Variants in CDH13 observed in about 807,000 individuals in gnomAD.
The protein encoded by CDH13 is cadherin-13.
A neutral mutation model predicts 63.8 loss-of-function variants in CDH13; 24 were observed. That is an observed-to-expected ratio of 0.38 (90% CI 0.27 to 0.53). The LOEUF is 0.53. Ranked by LOEUF, CDH13 falls within the 20% of genes least tolerant of loss-of-function variation. CDH13 has a pLI of 0.85. For missense variants in CDH13, 1,049 were observed against 903.1 expected, an observed-to-expected ratio of 1.16 and a Z score of -2.07; for synonymous variants, 503 against 355.3, an observed-to-expected ratio of 1.42 and a Z score of -4.67.
At chr16:83,488,927 T>A (rs1055894913) in intron 7 of CDH13, among the ~76,000 whole-genome samples, 3 of 152,128 alleles carry the variant, frequency 2.0e-5, no homozygotes, top group Non-Finnish European at 4.4e-5. Flanking sequence ...GCCCGGCCAA[T>A]GCTCCCTATT....
chr16:83,241,206 C>G (rs1405876287), intron 5 of CDH13, among the ~76,000 whole-genome samples: 2 of 152,120 alleles, frequency 1.3e-5, no homozygotes, highest in Admixed American at 1.3e-4. Flanking sequence ...TGTGGATATA[C>G]CACATTTTCT....
intron 2 of CDH13, among the ~76,000 whole-genome samples, chr16:83,029,695 A>G (rs1916128341): frequency 6.6e-6 from 1 of 152,160 alleles, no homozygotes; most frequent in Non-Finnish European, 1.5e-5. Context: ...AGAGGCTAGA[A>G]TAATGTAGCC....
intron 1 of CDH13, among the ~76,000 whole-genome samples, chr16:82,849,234 T>C (rs1159448081): frequency 6.6e-6 from 1 of 152,178 alleles, no homozygotes; most frequent in African/African-American, 2.4e-5. Context: ...CCAAGCACAG[T>C]GGCTCACACC....
At chr16:83,096,495 A>G (rs2151592718) in intron 3 of CDH13, among the ~76,000 whole-genome samples, 1 of 152,366 alleles carries the variant, frequency 6.6e-6, no homozygotes, top group African/African-American at 2.4e-5. Flanking sequence ...GTGCAATTAC[A>G]GAAAAATTAT....
chr16:83,295,858 G>A (rs908372435), intron 5 of CDH13, among the ~76,000 whole-genome samples: 2 of 152,134 alleles, frequency 1.3e-5, no homozygotes, highest in Admixed American at 6.6e-5. Context: ...TCAAAGAGAC[G>A]TCTGCACTTC....
chr16:82,856,104 C>T (rs555290792), intron 1 of CDH13, among the ~76,000 whole-genome samples: 81 of 152,182 alleles, frequency 5.3e-4, no homozygotes, highest in African/African-American at 1.8e-3. Context: ...GGGCCGGGCA[C>T]GGTGGCTCAC....
At chr16:83,122,470 A>G (rs2035625044) in intron 3 of CDH13, among the ~76,000 whole-genome samples, 1 of 152,244 alleles carries the variant, frequency 6.6e-6, no homozygotes, top group Non-Finnish European at 1.5e-5. Context: ...TGTCACTCCA[A>G]TAACTGAACT....
intron 1 of CDH13, among the ~76,000 whole-genome samples, chr16:82,766,903 C>G (rs377612717): frequency 1.3e-5 from 2 of 152,098 alleles, no homozygotes; most frequent in South Asian, 4.2e-4. Context: ...ATTTTTTACA[C>G]GTACAGAAAA....
intron 6 of CDH13, among the ~76,000 whole-genome samples, chr16:83,428,408 T>C (rs1359110004): frequency 1.3e-5 from 2 of 152,202 alleles, no homozygotes; most frequent in Non-Finnish European, 2.9e-5. Flanking sequence ...CTGAGTTGAT[T>C]TTAGCTTTGT....
intron 2 of CDH13, among the ~76,000 whole-genome samples, chr16:82,927,559 C>G (rs1486545427): frequency 2.0e-5 from 3 of 152,158 alleles, no homozygotes; most frequent in Non-Finnish European, 2.9e-5. Context: ...AACTATTTTT[C>G]TTCTTCTTTC....
At chr16:83,289,243 C>A (rs1037957740) in intron 5 of CDH13, among the ~76,000 whole-genome samples, 6 of 152,190 alleles carry the variant, frequency 3.9e-5, no homozygotes, top group African/African-American at 1.4e-4. Context: ...ACCTGGGACC[C>A]TTTTGGCCTC....
chr16:83,261,736 A>G (rs922453399), intron 5 of CDH13, among the ~76,000 whole-genome samples: 45 of 150,104 alleles, frequency 3.0e-4, no homozygotes, highest in African/African-American at 1.0e-3. Context: ...AGAAAGTTAG[A>G]TAACAGTCAC....
chr16:82,929,448 C>G (rs978652209), intron 2 of CDH13, among the ~76,000 whole-genome samples: 30 of 151,606 alleles, frequency 2.0e-4, no homozygotes, highest in Non-Finnish European at 8.8e-5. Context: ...CGAGACCATC[C>G]TGGCTAGATG....
rs369518166 is a variant in CDH13, at chr16:83,602,543, G to A, written c.1050G>A (p.Thr350=). ...DVGLTGTATA[T]IMIDDKNDHS... ...GATTAACAGGCACGGCCACAGCCACGATCATGATCGATGACAAAAATGATC... is the reference window on the plus strand; with the variant it reads ...GATTAACAGGCACGGCCACAGCCACAATCATGATCGATGACAAAAATGATC... Residue 350 remains threonine (T), a synonymous_variant, in exon 8 of 14, where the codon ACG becomes ACA. Transcript: ENST00000567109. 146 of 1,613,858 alleles carry A rather than the reference G, an allele frequency of 9.0e-5. 1 individual carries two copies. Among genetic ancestry groups the A allele is most frequent in the Admixed American group, 3.7e-4 (22 of 60,004 alleles).
In CDH13 at chr16:82,881,216, C is replaced by T. The variant is rs547674113; in HGVS notation, c.157+22743C>T. Among the ~76,000 whole-genome samples, 4 of 152,220 alleles carry T rather than the reference C, an allele frequency of 2.6e-5. No individual in the cohort carries two copies. In the East Asian group the frequency reaches 7.7e-4, roughly 29 times the overall value. The stretch of plus-strand genomic sequence containing the variant: ...GGTGTGTAGAGGCTTCCGTTCGTGT[C>T]TCTGGGCCATCTTGCATAGGGGTTC... On this transcript the variant is annotated intron_variant, in intron 2 of 13. Coordinates refer to ENST00000567109, the MANE Select transcript of CDH13 (RefSeq NM_001257.5).
intron 2 of CDH13, among the ~76,000 whole-genome samples, chr16:82,961,600 C>G (rs1026852932): frequency 1.5e-5 from 2 of 132,190 alleles, no homozygotes; most frequent in Non-Finnish European, 3.1e-5. Flanking sequence ...AAAAAAACTA[C>G]TGGTACTTGG....
At chr16:82,871,559 G>C (rs572546735) in intron 2 of CDH13, among the ~76,000 whole-genome samples, 53 of 152,300 alleles carry the variant, frequency 3.5e-4, no homozygotes, top group African/African-American at 1.3e-3. Flanking sequence ...CTCTAACTTT[G>C]ACTTGCATGA....
chr16:83,413,141 A>C (rs2151459694), intron 6 of CDH13, among the ~76,000 whole-genome samples: 1 of 152,324 alleles, frequency 6.6e-6, no homozygotes, highest in South Asian at 2.1e-4. Flanking sequence ...GTTTTAGTAT[A>C]ATGTTATTGT....
intron 6 of CDH13, among the ~76,000 whole-genome samples, chr16:83,373,390 C>T (rs538052250): frequency 6.6e-6 from 1 of 152,202 alleles, no homozygotes; most frequent in South Asian, 2.1e-4. Context: ...GGCTCCCAGG[C>T]AGAAAGTGAT....
Sources: gnomAD v4.1 joint callset for allele counts (sites outside exome capture counted in the v4.1 genomes callset) on GRCh38, gnomAD v4.1.1 for gene constraint, MANE v1.5 for transcripts, NCBI Gene and HGNC (gene_info 2026-07-23, HGNC 2026-07-21) for gene names.